The following TTC27 variants were observed in gnomAD, a reference collection of about 807,000 sequenced individuals.
TTC27 encodes tetratricopeptide repeat protein 27.
Under a neutral mutation model 115.9 loss-of-function variants are expected in TTC27, and 79 were observed. That is an observed-to-expected ratio of 0.68 (90% CI 0.57 to 0.82). The LOEUF is 0.82. Among genes scored for constraint, TTC27 ranks in the 40% least tolerant of loss-of-function variants. The pLI, the probability that TTC27 is intolerant of heterozygous loss-of-function variation, is 0.00. For missense variants in TTC27, 1,054 were observed against 993.1 expected (o/e 1.06, Z -0.82); for synonymous variants, 401 against 356.0 (o/e 1.13, Z -1.42).
intron 16 of TTC27, among the ~76,000 whole-genome samples, chr2:32,805,863 T>C (rs1430542205): frequency 6.6e-6 from 1 of 152,250 alleles, no homozygotes; most frequent in African/African-American, 2.4e-5. Flanking sequence ...CCTGTGCTCA[T>C]TACTGCTATT....
At chr2:32,807,220 G>T (rs1196270301) in intron 16 of TTC27, among the ~76,000 whole-genome samples, 1 of 151,884 alleles carries the variant, frequency 6.6e-6, no homozygotes, top group East Asian at 1.9e-4. Flanking sequence ...CTTTTTCTCT[G>T]TTTTTAAATG....
intron 10 of TTC27, among the ~76,000 whole-genome samples, chr2:32,715,752 A>G (rs1416833981): frequency 6.6e-6 from 1 of 152,186 alleles, no homozygotes; most frequent in African/African-American, 2.4e-5. Context: ...AGGGCATGTC[A>G]TAATGAAACC....
chr2:32,775,651 C>G (rs1439178490), intron 13 of TTC27, among the ~76,000 whole-genome samples: 1 of 152,002 alleles, frequency 6.6e-6, no homozygotes, highest in Non-Finnish European at 1.5e-5. Context: ...TCCAAGTAAA[C>G]TTGGTATCAT....
chr2:32,760,842 A>G (rs1228435907), intron 13 of TTC27, among the ~76,000 whole-genome samples: 1 of 152,118 alleles, frequency 6.6e-6, no homozygotes, highest in African/African-American at 2.4e-5. Context: ...GTCTGTTCTC[A>G]ACACATCAGC....
At chr2:32,787,261 A>G (rs187218430) in intron 16 of TTC27, 112 bp downstream of exon 16, 1 of 1,186,488 alleles carries the variant, frequency 8.4e-7, no homozygotes, top group East Asian at 2.4e-5. Context: ...AACACATGTA[A>G]CATATGAAAA....
At chr2:32,744,470 A>T (rs1668749862) in intron 12 of TTC27, among the ~76,000 whole-genome samples, 1 of 152,226 alleles carries the variant, frequency 6.6e-6, no homozygotes, top group South Asian at 2.1e-4. Flanking sequence ...GAAACTACAC[A>T]GTTGACCAGT....
chr2:32,754,994 G>A (rs543800018), intron 12 of TTC27, among the ~76,000 whole-genome samples: 27 of 151,710 alleles, frequency 1.8e-4, no homozygotes, highest in Middle Eastern at 6.8e-3. Flanking sequence ...GGCGGCTGCC[G>A]GGCAGAGGGG....
chr2:32,792,271 C>T (rs1000546666), intron 16 of TTC27, among the ~76,000 whole-genome samples: 9 of 152,010 alleles, frequency 5.9e-5, no homozygotes, highest in African/African-American at 1.9e-4. Context: ...GTGCATTACC[C>T]GAAAGTAAAG....
chr2:32,679,817 C>A (rs1296134024), intron 9 of TTC27, among the ~76,000 whole-genome samples: 3 of 152,084 alleles, frequency 2.0e-5, no homozygotes, highest in African/African-American at 7.2e-5. Context: ...CATGATGAAA[C>A]CCTGTCTCTA....
chr2:32,763,981 C>T (rs1248462755), intron 13 of TTC27, among the ~76,000 whole-genome samples: 2 of 152,064 alleles, frequency 1.3e-5, no homozygotes, highest in Non-Finnish European at 2.9e-5. Flanking sequence ...GTTATTATTC[C>T]TGTTAACACT....
At chr2:32,651,643 C>T (rs753827349) in intron 5 of TTC27, among the ~76,000 whole-genome samples, 1 of 152,132 alleles carries the variant, frequency 6.6e-6, no homozygotes, top group African/African-American at 2.4e-5. Flanking sequence ...CTGCGCCCGG[C>T]GTCCTTCAAG....
chr2:32,716,187 A>G (rs930708718), intron 10 of TTC27, among the ~76,000 whole-genome samples: 1 of 151,848 alleles, frequency 6.6e-6, no homozygotes, highest in Non-Finnish European at 1.5e-5. Flanking sequence ...CCCTCTAAAC[A>G]TAACAGCTTG....
chr2:32,715,028 T>C (rs1038709910), intron 10 of TTC27, among the ~76,000 whole-genome samples: 3 of 152,184 alleles, frequency 2.0e-5, no homozygotes, highest in African/African-American at 7.2e-5. Flanking sequence ...TTGTAGGTTG[T>C]CTCTTTACTC....
chr2:32,788,410 C>T (rs1451694785), intron 16 of TTC27, among the ~76,000 whole-genome samples: 1 of 152,084 alleles, frequency 6.6e-6, no homozygotes, highest in Non-Finnish European at 1.5e-5. Context: ...TGTGAAGCTC[C>T]CCTCCTTCCT....
At chr2:32,756,415 G>T (rs1351579720) in intron 12 of TTC27, among the ~76,000 whole-genome samples, 1 of 152,152 alleles carries the variant, frequency 6.6e-6, no homozygotes, top group Non-Finnish European at 1.5e-5. Flanking sequence ...GAATTACATG[G>T]ATTATATTCT....
At chr2:32,813,622 T>A (rs552149483) in intron 18 of TTC27, among the ~76,000 whole-genome samples, 1 of 152,226 alleles carries the variant, frequency 6.6e-6, no homozygotes, top group South Asian at 2.1e-4. Flanking sequence ...CCTTCCAAAG[T>A]AGAGGACTTG....
intron 16 of TTC27, among the ~76,000 whole-genome samples, chr2:32,799,256 T>TG (rs1670839014): frequency 6.6e-6 from 1 of 152,204 alleles, no homozygotes; most frequent in African/African-American, 2.4e-5. Flanking sequence ...TATGGTTTAA[T>TG]GGGGTAGAGT....
intron 10 of TTC27, among the ~76,000 whole-genome samples, chr2:32,716,256 C>T (rs1667749808): frequency 6.6e-6 from 1 of 152,174 alleles, no homozygotes; most frequent in African/African-American, 2.4e-5. Context: ...AGCCATATGT[C>T]ACTCTTTTAA....
chr2:32,747,295 G>A (rs1210192291), intron 12 of TTC27, among the ~76,000 whole-genome samples: 1 of 152,012 alleles, frequency 6.6e-6, no homozygotes, highest in African/African-American at 2.4e-5. Context: ...CTTACAATGG[G>A]GTTACCTCCC....
Sources: gnomAD v4.1 joint callset for allele counts (sites outside exome capture counted in the v4.1 genomes callset) on GRCh38, gnomAD v4.1.1 for gene constraint, MANE v1.5 for transcripts, NCBI Gene and HGNC (gene_info 2026-07-23, HGNC 2026-07-21) for gene names.